GMPR: variants seen among roughly 807,000 people sequenced by gnomAD.
GMPR encodes guanosine monophosphate reductase.
In GMPR, 31 loss-of-function variants were observed where a neutral mutation model predicts 38.4. The observed-to-expected ratio is 0.81, with a 90% CI of 0.61 to 1.09. The LOEUF is 1.09. Among genes scored for constraint, GMPR ranks in the 50% least tolerant of loss-of-function variants. GMPR has a pLI of 0.00. For synonymous variants in GMPR, 162 were observed against 173.3 expected (o/e 0.93, Z 0.51); for missense variants, 468 against 453.7 (o/e 1.03, Z -0.29).
intron 1 of GMPR, among the ~76,000 whole-genome samples, chr6:16,241,396 A>G (rs1758645999): frequency 6.6e-6 from 1 of 152,154 alleles, no homozygotes; most frequent in Non-Finnish European, 1.5e-5. Context: ...GGACATTTCC[A>G]CCAGCCTTCC....
intron 8 of GMPR, 22 bp downstream of exon 8, chr6:16,290,643 G>A (rs777144373): frequency 1.3e-4 from 206 of 1,604,338 alleles, no homozygotes; most frequent in Non-Finnish European, 1.7e-4. Context: ...ACCCCGGGGC[G>A]CACCCTCGAG....
At chr6:16,249,965 T>TA (rs1395421863) in intron 2 of GMPR, among the ~76,000 whole-genome samples, 7 of 151,916 alleles carry the variant, frequency 4.6e-5, no homozygotes, top group African/African-American at 1.7e-4. Context: ...TTTGGCCTAA[T>TA]ACAGGTGTGG....
chr6:16,260,457 AAG>A (rs1759062013), intron 4 of GMPR, among the ~76,000 whole-genome samples: 1 of 152,018 alleles, frequency 6.6e-6, no homozygotes, highest in Admixed American at 6.6e-5. Context: ...TACCTAGACT[AAG>A]AGGTATTTTA....
At chr6:16,287,278 G>C (rs1759704469) in intron 7 of GMPR, among the ~76,000 whole-genome samples, 2 of 152,232 alleles carry the variant, frequency 1.3e-5, no homozygotes. Context: ...TTTTTGAGCT[G>C]AATCTACTTA....
intron 7 of GMPR, among the ~76,000 whole-genome samples, chr6:16,288,115 G>A (rs1759725844): frequency 6.6e-6 from 1 of 152,236 alleles, no homozygotes; most frequent in Non-Finnish European, 1.5e-5. Context: ...GCCCTCGCTT[G>A]CTGTCCACGC....
At chr6:16,267,005 C>G (rs941891093) in intron 4 of GMPR, among the ~76,000 whole-genome samples, 1 of 150,868 alleles carries the variant, frequency 6.6e-6, no homozygotes, top group Non-Finnish European at 1.5e-5. Context: ...ACTCTGGGTG[C>G]GCCACCTTTA....
At chr6:16,253,552 C>G (rs972859552) in intron 3 of GMPR, among the ~76,000 whole-genome samples, 1 of 152,106 alleles carries the variant, frequency 6.6e-6, no homozygotes, top group South Asian at 2.1e-4. Flanking sequence ...AGGGGATGGC[C>G]CAAGCCATTG....
At chr6:16,293,969 CAT>C (rs1759885873) in intron 8 of GMPR, among the ~76,000 whole-genome samples, 1 of 152,142 alleles carries the variant, frequency 6.6e-6, no homozygotes, top group Non-Finnish European at 1.5e-5. Flanking sequence ...GTAATATACA[CAT>C]ATTCTGGTAA....
intron 1 of GMPR, among the ~76,000 whole-genome samples, chr6:16,246,020 C>T (rs1010904215): frequency 6.6e-6 from 1 of 152,206 alleles, no homozygotes; most frequent in African/African-American, 2.4e-5. Flanking sequence ...GAAATGGAGC[C>T]TGTAGCAGTT....
At chr6:16,239,189 G>C (rs1758596574) in intron 1 of GMPR, among the ~76,000 whole-genome samples, 1 of 152,224 alleles carries the variant, frequency 6.6e-6, no homozygotes, top group Non-Finnish European at 1.5e-5. Flanking sequence ...TCCTAGTGCT[G>C]ATAATTGCTG....
At chr6:16,287,577 C>G (rs2113703651) in intron 7 of GMPR, among the ~76,000 whole-genome samples, 1 of 152,314 alleles carries the variant, frequency 6.6e-6, no homozygotes, top group South Asian at 2.1e-4. Context: ...TGGGAACCCC[C>G]TCAAAGCATT....
At chr6:16,268,615 C>G (rs1759317216) in intron 4 of GMPR, among the ~76,000 whole-genome samples, 1 of 152,180 alleles carries the variant, frequency 6.6e-6, no homozygotes, top group South Asian at 2.1e-4. Context: ...TGGCACATCA[C>G]AGCCTGTGGG....
At chr6:16,285,904 G>A in intron 7 of GMPR, 69 bp downstream of exon 7, 1 of 1,315,118 alleles carries the variant, frequency 7.6e-7, no homozygotes, top group Non-Finnish European at 1.1e-6. Flanking sequence ...CTCTCCAGCT[G>A]GCAACCTGAA....
chr6:16,257,717 C>A (rs962495814), intron 4 of GMPR, among the ~76,000 whole-genome samples: 1 of 152,182 alleles, frequency 6.6e-6, no homozygotes, highest in Non-Finnish European at 1.5e-5. Flanking sequence ...TGTCTAGTTT[C>A]ACCGTTCCTC....
chr6:16,249,304 C>G (rs1210769109), intron 2 of GMPR, among the ~76,000 whole-genome samples: 1 of 151,382 alleles, frequency 6.6e-6, no homozygotes, highest in Non-Finnish European at 1.5e-5. Context: ...TCCTGAGTAG[C>G]TGGGATTACA....
chr6:16,274,788 A>G (rs1196420238), intron 5 of GMPR, among the ~76,000 whole-genome samples: 1 of 152,204 alleles, frequency 6.6e-6, no homozygotes, highest in African/African-American at 2.4e-5. Context: ...TGTAGATTTC[A>G]CTAATGACCC....
chr6:16,283,397 T>G (rs1038489400), intron 6 of GMPR, among the ~76,000 whole-genome samples: 1 of 152,164 alleles, frequency 6.6e-6, no homozygotes, highest in Non-Finnish European at 1.5e-5. Context: ...GAAAGGACAC[T>G]TTGAACACTT....
chr6:16,272,964 A>G (rs569322182), intron 4 of GMPR, among the ~76,000 whole-genome samples: 12 of 152,114 alleles, frequency 7.9e-5, no homozygotes, highest in Non-Finnish European at 1.8e-4. Context: ...CACTTGGCCA[A>G]GTTTTTAGTT....
chr6:16,256,671 T>G (rs1184779672), intron 4 of GMPR, among the ~76,000 whole-genome samples: 1 of 152,198 alleles, frequency 6.6e-6, no homozygotes, highest in Non-Finnish European at 1.5e-5. Flanking sequence ...TGATGTTTGT[T>G]GAATACTGTT....
Sources: allele counts gnomAD v4.1 joint callset (sites outside exome capture counted in the v4.1 genomes callset), GRCh38; gene constraint gnomAD v4.1.1; transcripts MANE v1.5; gene names NCBI Gene and HGNC (gene_info 2026-07-23, HGNC 2026-07-21).